PIWIL3: variants seen among roughly 807,000 people sequenced by gnomAD.
PIWIL3 encodes piwi like RNA-mediated gene silencing 3.
Under a neutral mutation model 109.7 loss-of-function variants are expected in PIWIL3, and 101 were observed. That is an observed-to-expected ratio of 0.92 (90% CI 0.78 to 1.09). The LOEUF (loss-of-function observed/expected upper bound fraction) is 1.09, where lower values mean the gene tolerates loss of function less well. PIWIL3 is among the 50% of genes least tolerant of loss of function. The pLI is 0.00. For synonymous variants in PIWIL3, 373 were observed against 376.4 expected, an observed-to-expected ratio of 0.99 and a Z score of 0.10; for missense variants, 1,031 against 1,072.6, an observed-to-expected ratio of 0.96 and a Z score of 0.54.
At chr22:24,764,431 G>A (rs1925661329) in intron 1 of PIWIL3, among the ~76,000 whole-genome samples, 1 of 152,212 alleles carries the variant, frequency 6.6e-6, no homozygotes, top group African/African-American at 2.4e-5. Flanking sequence ...AAATGCAGCT[G>A]CTATGACCGT....
intron 10 of PIWIL3, 77 bp downstream of exon 10, chr22:24,749,616 C>G: frequency 1.9e-6 from 3 of 1,611,390 alleles, no homozygotes; most frequent in Non-Finnish European, 2.5e-6. Context: ...AAGGAGACAC[C>G]CTTCGAATTC....
At chr22:24,771,320 GA>G (rs1382473718) in intron 1 of PIWIL3, among the ~76,000 whole-genome samples, 1 of 150,888 alleles carries the variant, frequency 6.6e-6, no homozygotes, top group African/African-American at 2.4e-5. Context: ...AATAGAAAAA[GA>G]AAAAAAGTTA....
intron 14 of PIWIL3, among the ~76,000 whole-genome samples, chr22:24,730,363 C>CA (rs59306341): frequency 0.46 from 43,213 of 93,514 alleles, 10,738 homozygotes; most frequent in Non-Finnish European, 0.51. Flanking sequence ...GACTCAGTCT[C>CA]AAAAAAAAAA....
Position 24,719,608 on chromosome 22 carries a change from T to C in PIWIL3, c.2506-20A>G, listed in dbSNP as rs765218416. On this transcript the variant is annotated intron_variant, in intron 20 of 20. Transcript: ENST00000616349. The stretch of plus-strand genomic sequence containing the variant: ...GATGCCCTTTAGTAGGAAAAGAAAA[T>C]ACACAACTAAATTTTTTTCACTTTA... 47 of 1,561,982 alleles carry C rather than the reference T, an allele frequency of 3.0e-5. No individual in the cohort carries two copies. Among genetic ancestry groups the C allele is most frequent in the South Asian group, 1.2e-5 (1 of 82,720 alleles).
In PIWIL3 at chr22:24,719,905, T is replaced by C. The variant is rs1922561183; in HGVS notation, c.2358-10A>G. 1.2e-6 allele frequency: 2 copies of C among 1,604,000 alleles called. No individual in the cohort carries two copies. Among genetic ancestry groups the C allele is most frequent in the Non-Finnish European group, 1.7e-6 (2 of 1,172,280 alleles). On this transcript the variant is annotated splice_polypyrimidine_tract_variant and intron_variant, in intron 19 of 20. Transcript: ENST00000616349. ...AATAAAAAAGTCATACCTGGAAATA[T>C]AGGACATGTGGGTATCAGCTCATTT...
intron 19 of PIWIL3, 41 bp downstream of exon 19, chr22:24,723,089 G>T: frequency 6.3e-7 from 1 of 1,588,078 alleles, no homozygotes; most frequent in South Asian, 1.1e-5. Flanking sequence ...AGGAAATTGA[G>T]AAAATCATAG....
Position 24,754,209 on chromosome 22 carries a change from A to C in PIWIL3, c.782T>G (p.Leu261Trp). The C allele has an allele frequency of 6.2e-7, 1 of 1,612,298 alleles. No individual in the cohort carries two copies. Among genetic ancestry groups the C allele is most frequent in the Non-Finnish European group, 8.5e-7 (1 of 1,178,344 alleles). ...AGTAACATAACCAAGCCAGATTTCC[A>C]AACTGGTACTAGAATAAATTACATG... ...AIQLYRHGTS[L>W]EIWLGYVTSV... Residue 261 changes from leucine (L) to tryptophan (W), a missense_variant, in exon 8 of 21, where the codon TTG becomes TGG. Transcript: ENST00000616349.
chr22:24,749,371 G>A (rs1207454980), intron 11 of PIWIL3, 33 bp downstream of exon 11: 3 of 1,611,036 alleles, frequency 1.9e-6, no homozygotes, highest in Admixed American at 1.7e-5. Flanking sequence ...CCATGCACAT[G>A]TACACACACT....
chr22:24,760,060 G>T (rs1471698589), intron 2 of PIWIL3, 71 bp from the exon 3 acceptor site: 2 of 1,585,978 alleles, frequency 1.3e-6, no homozygotes, highest in South Asian at 1.1e-5. Context: ...AATGGCACTC[G>T]CAGGGCACAA....
chr22:24,729,113 G>A (rs544462535), intron 14 of PIWIL3, among the ~76,000 whole-genome samples: 38 of 152,154 alleles, frequency 2.5e-4, no homozygotes, highest in Non-Finnish European at 4.4e-4. Context: ...TTGCATAAGG[G>A]GGAGGCTTGG....
At chr22:24,728,524 C>CT in intron 14 of PIWIL3, 150 bp from the exon 15 acceptor site, 1 of 689,878 alleles carries the variant, frequency 1.4e-6, no homozygotes, top group Non-Finnish European at 2.3e-6. Context: ...GGCGAAGGGT[C>CT]TAGAGCCATG....
chr22:24,766,463 C>T (rs938123820), intron 1 of PIWIL3, among the ~76,000 whole-genome samples: 17 of 151,920 alleles, frequency 1.1e-4, no homozygotes, highest in Non-Finnish European at 1.9e-4. Flanking sequence ...GAAGTACAGG[C>T]GCCCGCCACC....
Position 24,719,408 on chromosome 22 carries a change from C to T in PIWIL3, c.*64G>A. On this transcript the variant is annotated 3_prime_UTR_variant, in exon 21 of 21. Coordinates refer to ENST00000616349, the MANE Select transcript of PIWIL3 (RefSeq NM_001255975.1). Reference sequence around the variant, plus strand: ...CTAGGAAAATATTTCAGACATCCTGCTTCAAAAGGAAGACAGGCTTACACG... The same window carrying T: ...CTAGGAAAATATTTCAGACATCCTGTTTCAAAAGGAAGACAGGCTTACACG... 8.0e-7 allele frequency: 1 copy of T among 1,251,774 alleles called. No individual in the cohort carries two copies. The highest frequency in any genetic ancestry group is 1.5e-5 in the South Asian group (1 of 65,738). 77.5% of individuals were successfully genotyped at this position (1,251,774 alleles called of 1,614,324 possible).
rs1413606482 is a variant in PIWIL3, at chr22:24,774,665, G to T, written c.-366C>A. 1 of 151,742 alleles carries T rather than the reference G, an allele frequency of 6.6e-6. No individual in the cohort carries two copies. The highest frequency in any genetic ancestry group is 2.4e-5 in the African/African-American group (1 of 41,228). 9.4% of individuals were successfully genotyped at this position (151,742 alleles called of 1,614,324 possible). ...TACTAAAAATACAAAAAATTAGCCG[G>T]GCGTGGTGGCGGGCACCTGTAGTCC... On this transcript the variant is annotated 5_prime_UTR_variant, in exon 1 of 21. Coordinates refer to ENST00000616349, the MANE Select transcript of PIWIL3 (RefSeq NM_001255975.1).
chr22:24,744,185 A>G (rs1465194109), intron 12 of PIWIL3, among the ~76,000 whole-genome samples: 9 of 144,600 alleles, frequency 6.2e-5, no homozygotes, highest in Admixed American at 2.1e-4. Context: ...AATTAAAAAA[A>G]AAAAAAAAAA....
rs540806084 is a variant in PIWIL3 at position 24,728,393 on chromosome 22, T to C, written c.1708-19A>G. 27 of 1,614,062 alleles carry C rather than the reference T, an allele frequency of 1.7e-5. No individual in the cohort carries two copies. In the Admixed American group the frequency reaches 2.2e-4, roughly 13 times the overall value. On this transcript the variant is annotated intron_variant, in intron 14 of 20. Coordinates refer to ENST00000616349, the MANE Select transcript of PIWIL3 (RefSeq NM_001255975.1). The stretch of plus-strand genomic sequence containing the variant: ...AAATCACCTTGAAAACCAGCAAACA[T>C]GACATTCCCTAAGATACAACAACAG...
Position 24,756,527 on chromosome 22 carries a change from T to C in PIWIL3, c.534A>G (p.Gly178=). 1 of 1,614,138 alleles carries C rather than the reference T, an allele frequency of 6.2e-7. No homozygotes were observed. Among genetic ancestry groups the C allele is most frequent in the African/African-American group, 1.3e-5 (1 of 75,064 alleles). ...RKFGERHIFD[G]NSLLLSRPLK... Reference sequence around the variant, plus strand: ...GTGGCCGAGATAATAATAAAGAGTTTCCATCAAATATATGGCGCTCTCCAA... The same window carrying C: ...GTGGCCGAGATAATAATAAAGAGTTCCCATCAAATATATGGCGCTCTCCAA... Residue 178 remains glycine (G), a synonymous_variant, in exon 5 of 21, where the codon GGA becomes GGG. Transcript: ENST00000616349.
chr22:24,769,597 G>A (rs1462417410), intron 1 of PIWIL3: 1 of 152,426 alleles, frequency 6.6e-6, no homozygotes, highest in Non-Finnish European at 1.5e-5. Context: ...GGGAGACGGA[G>A]CGAGACTCCG....
chr22:24,754,732 A>G lies in PIWIL3; in HGVS notation c.773+52T>C, dbSNP rs1229233912. The G allele has an allele frequency of 2.1e-6, 3 of 1,429,256 alleles. No individual in the cohort carries two copies. In the African/African-American group the frequency reaches 4.3e-5, roughly 20 times the overall value. 88.5% of individuals were successfully genotyped at this position (1,429,256 alleles called of 1,614,324 possible). A position where few individuals can be genotyped will look rare whatever the true frequency, so the allele number is the denominator to read the frequency against. On this transcript the variant is annotated intron_variant, in intron 7 of 20. Coordinates refer to ENST00000616349, the MANE Select transcript of PIWIL3 (RefSeq NM_001255975.1). ...AATATGAAATGAATAACTTTCTCAAAAAATCCTACGTTTAAGTCTGCAGAG... is the reference window on the plus strand; with the variant it reads ...AATATGAAATGAATAACTTTCTCAAGAAATCCTACGTTTAAGTCTGCAGAG...
Sources: gnomAD v4.1 joint callset for allele counts (sites outside exome capture counted in the v4.1 genomes callset) on GRCh38, gnomAD v4.1.1 for gene constraint, MANE v1.5 for transcripts, NCBI Gene and HGNC (gene_info 2026-07-23, HGNC 2026-07-21) for gene names.